The following CLASP1 variants were observed in gnomAD, a reference collection of about 807,000 sequenced individuals.
CLASP1 encodes the protein cytoplasmic linker associated protein 1.
A neutral mutation model predicts 192.3 loss-of-function variants in CLASP1; 38 were observed. That is an observed-to-expected ratio of 0.20 (90% CI 0.15 to 0.26). The LOEUF is 0.26. CLASP1 is among the 10% of genes least tolerant of loss of function. CLASP1 has a pLI of 1.00. For synonymous variants in CLASP1, 691 were observed against 712.8 expected (o/e 0.97, Z 0.49); for missense variants, 1,433 against 1,932.5 (o/e 0.74, Z 4.85).
At chr2:121,419,836 C>A (rs2079193308) in intron 22 of CLASP1, among the ~76,000 whole-genome samples, 1 of 152,058 alleles carries the variant, frequency 6.6e-6, no homozygotes, top group South Asian at 2.1e-4. Context: ...AGAGGATGGA[C>A]TGGAAAAAAT....
chr2:121,407,383 C>T, intron 25 of CLASP1, 88 bp downstream of exon 26: 1 of 1,419,722 alleles, frequency 7.0e-7, no homozygotes. Flanking sequence ...AGGAATTAGA[C>T]TCCATTAATT....
intron 7 of CLASP1, among the ~76,000 whole-genome samples, chr2:121,514,766 T>A (rs1365000047): frequency 6.6e-6 from 1 of 152,310 alleles, no homozygotes; most frequent in East Asian, 1.9e-4. Flanking sequence ...CAATATTCCA[T>A]CCCATTTCCA....
At chr2:121,455,624 G>A (rs1443181726) in intron 14 of CLASP1, among the ~76,000 whole-genome samples, 2 of 152,180 alleles carry the variant, frequency 1.3e-5, no homozygotes, top group Non-Finnish European at 2.9e-5. Flanking sequence ...TTAGTGCAGT[G>A]GCTCACAACT....
intron 9 of CLASP1, among the ~76,000 whole-genome samples, chr2:121,464,810 T>G (rs2089164883): frequency 6.6e-6 from 1 of 152,196 alleles, no homozygotes; most frequent in Non-Finnish European, 1.5e-5. Context: ...CTGTTCACGC[T>G]GATGGTAGTT....
intron 5 of CLASP1, among the ~76,000 whole-genome samples, chr2:121,527,316 C>T (rs896790111): frequency 6.6e-6 from 1 of 152,108 alleles, no homozygotes. Context: ...ATAAAATGAA[C>T]TATCAAATGT....
At chr2:121,592,897 C>T (rs754041124) in intron 2 of CLASP1, among the ~76,000 whole-genome samples, 7 of 152,124 alleles carry the variant, frequency 4.6e-5, no homozygotes, top group African/African-American at 1.4e-4. Context: ...CCGCCCACCT[C>T]GGCCTCCCAA....
intron 1 of CLASP1, among the ~76,000 whole-genome samples, chr2:121,639,823 A>T (rs979930718): frequency 1.3e-5 from 2 of 148,922 alleles, no homozygotes; most frequent in Non-Finnish European, 3.0e-5. Context: ...AGATTGCACC[A>T]TGGCACTTCA....
chr2:121,349,533 A>G (rs1207758265), intron 37 of CLASP1, among the ~76,000 whole-genome samples: 1 of 152,210 alleles, frequency 6.6e-6, no homozygotes, highest in African/African-American at 2.4e-5. Context: ...GAGCATCTGC[A>G]AAGAAGCCTG....
intron 28 of CLASP1, 137 bp from the exon 30 acceptor site, chr2:121,398,537 G>A (rs1428894504): frequency 2.8e-5 from 17 of 615,436 alleles, no homozygotes; most frequent in East Asian, 8.4e-5. Flanking sequence ...AGTGCTTTTC[G>A]TTTTATGTAG....
chr2:121,591,522 T>C (rs980218070), intron 2 of CLASP1, among the ~76,000 whole-genome samples: 1 of 152,214 alleles, frequency 6.6e-6, no homozygotes, highest in Non-Finnish European at 1.5e-5. Context: ...TGGCTTCGAT[T>C]GCCCTGCGAA....
At chr2:121,551,801 T>G (rs953978342) in intron 2 of CLASP1, among the ~76,000 whole-genome samples, 4 of 152,148 alleles carry the variant, frequency 2.6e-5, no homozygotes, top group Non-Finnish European at 5.9e-5. Flanking sequence ...TCAGTGCTAT[T>G]CCTATCAAAA....
chr2:121,363,376 C>CT (rs2066772136), intron 36 of CLASP1, 76 bp from the exon 38 acceptor site: 4 of 1,567,552 alleles, frequency 2.6e-6, no homozygotes, highest in East Asian at 2.2e-5. Flanking sequence ...GCAGGGTCGG[C>CT]AAGGCCAAGC....
chr2:121,468,393 C>T (rs928942410), intron 9 of CLASP1, among the ~76,000 whole-genome samples: 4 of 152,182 alleles, frequency 2.6e-5, no homozygotes, highest in South Asian at 4.1e-4. Flanking sequence ...AATATTAATT[C>T]TTCCTATCCA....
intron 2 of CLASP1, among the ~76,000 whole-genome samples, chr2:121,597,551 G>A (rs1489083494): frequency 2.6e-5 from 4 of 152,142 alleles, no homozygotes; most frequent in Non-Finnish European, 5.9e-5. Flanking sequence ...TAATATTTTT[G>A]TAGTGAAACA....
intron 34 of CLASP1, among the ~76,000 whole-genome samples, chr2:121,371,546 C>A (rs967749149): frequency 6.6e-6 from 1 of 151,956 alleles, no homozygotes; most frequent in Admixed American, 6.5e-5. Flanking sequence ...GAAAAAGTAA[C>A]CCCTCACGCA....
intron 28 of CLASP1, 109 bp downstream of exon 29, chr2:121,401,400 A>T: frequency 1.3e-6 from 1 of 776,244 alleles, no homozygotes. Context: ...ACTGAGTAAA[A>T]GAGATATTCA....
At chr2:121,591,069 T>C (rs1378922848) in intron 2 of CLASP1, among the ~76,000 whole-genome samples, 2 of 152,114 alleles carry the variant, frequency 1.3e-5, no homozygotes, top group Admixed American at 1.3e-4. Flanking sequence ...GGTTTCACCA[T>C]GTTGGCCAGG....
chr2:121,601,560 G>A (rs1036291009), intron 2 of CLASP1, among the ~76,000 whole-genome samples: 2 of 152,180 alleles, frequency 1.3e-5, no homozygotes, highest in South Asian at 2.1e-4. Flanking sequence ...ATGAGCCGTC[G>A]CACTCAGCCA....
Position 121,382,194 on chromosome 2 carries a change from A to G in CLASP1, c.3491+14T>C. ...TTGTGACACCTCAGACAAGTTTGAC[A>G]GGTAGCTTGTTACCTGGGAGAGTAA... is the stretch of plus-strand genomic sequence containing the variant. On this transcript the variant is annotated intron_variant, in intron 33 of 39. Coordinates refer to ENST00000263710, the Ensembl canonical transcript of CLASP1. 4 of 1,580,194 alleles carry G rather than the reference A, an allele frequency of 2.5e-6. No homozygotes were observed. The highest frequency in any genetic ancestry group is 3.5e-6 in the Non-Finnish European group (4 of 1,155,968).
Sources: gnomAD v4.1 joint callset for allele counts (sites outside exome capture counted in the v4.1 genomes callset) on GRCh38, gnomAD v4.1.1 for gene constraint, MANE v1.5 for transcripts, NCBI Gene and HGNC (gene_info 2026-07-23, HGNC 2026-07-21) for gene names.